Variants in ALK observed in about 807,000 individuals in gnomAD.
ALK encodes ALK receptor tyrosine kinase.
A neutral mutation model predicts 163.1 loss-of-function variants in ALK; 74 were observed. The ratio of observed to expected loss-of-function variants is 0.45; its 90% CI spans 0.38 to 0.55. ALK has a LOEUF of 0.55. Among genes scored for constraint, ALK ranks in the 20% least tolerant of loss-of-function variants. The probability of loss-of-function intolerance (pLI) is 0.00; values close to 1 mark genes in which losing one functional copy is unlikely to be tolerated. For missense variants in ALK, 2,063 were observed against 2,105.3 expected (o/e 0.98, Z 0.39); for synonymous variants, 960 against 843.2 (o/e 1.14, Z -2.40).
At chr2:29,458,848 C>G (rs972735494) in intron 4 of ALK, among the ~76,000 whole-genome samples, 34 of 152,150 alleles carry the variant, frequency 2.2e-4, no homozygotes, top group African/African-American at 7.7e-4. Flanking sequence ...AGTCAGCAAC[C>G]TGCCCTTTTG....
At chr2:29,386,475 A>G (rs2148303836) in intron 4 of ALK, among the ~76,000 whole-genome samples, 1 of 152,346 alleles carries the variant, frequency 6.6e-6, no homozygotes, top group East Asian at 1.9e-4. Flanking sequence ...AAAGAGCCGA[A>G]TTTGTCTTGT....
chr2:29,314,158 C>A (rs970673905), intron 8 of ALK, among the ~76,000 whole-genome samples: 1 of 152,114 alleles, frequency 6.6e-6, no homozygotes, highest in African/African-American at 2.4e-5. Context: ...AATCAGAGAG[C>A]AATTTACAGA....
At chr2:29,781,830 G>A (rs1451742754) in intron 1 of ALK, among the ~76,000 whole-genome samples, 2 of 152,104 alleles carry the variant, frequency 1.3e-5, no homozygotes, top group East Asian at 1.9e-4. Flanking sequence ...CCTGTCCTAC[G>A]ACACAAAATA....
intron 4 of ALK, among the ~76,000 whole-genome samples, chr2:29,391,224 C>T (rs979240590): frequency 6.7e-6 from 1 of 150,272 alleles, no homozygotes; most frequent in African/African-American, 2.5e-5. Context: ...TTCCAAACTG[C>T]ATTTCCTTAA....
intron 1 of ALK, among the ~76,000 whole-genome samples, chr2:29,772,709 A>G (rs761950090): frequency 1.3e-5 from 2 of 152,244 alleles, no homozygotes; most frequent in Non-Finnish European, 2.9e-5. Context: ...GTAGAGGACT[A>G]CTGTTTTTCA....
intron 4 of ALK, among the ~76,000 whole-genome samples, chr2:29,450,689 T>C (rs1010770273): frequency 2.0e-5 from 3 of 151,960 alleles, no homozygotes; most frequent in African/African-American, 7.3e-5. Flanking sequence ...TTCATGGAGG[T>C]GAGAGAAAAA....
chr2:29,221,118 G>A, intron 22 of ALK: 1 of 585,658 alleles, frequency 1.7e-6, no homozygotes, highest in South Asian at 1.5e-5. Context: ...GTGTCTCAGG[G>A]GGCAGGAGAG....
rs565865951 is a variant in ALK at position 29,225,287 on chromosome 2, G to A, written c.3172+174C>T. Among the ~76,000 whole-genome samples, 14 of 152,264 alleles carry A rather than the reference G, an allele frequency of 9.2e-5. No homozygotes were observed. The East Asian group carries it at 1.2e-3, about 13-fold the overall frequency. On this transcript the variant is annotated intron_variant, in intron 19 of 28. Coordinates refer to ENST00000389048, the MANE Select transcript of ALK (RefSeq NM_004304.5). Reference sequence around the variant, plus strand: ...GGGAACTGCAGCTGCTCTGGTGGGGGGAAGGTTGGGAGCTTCCGTTTTGGC... The same window carrying A: ...GGGAACTGCAGCTGCTCTGGTGGGGAGAAGGTTGGGAGCTTCCGTTTTGGC...
chr2:29,630,857 C>T (rs1484474949), intron 3 of ALK, among the ~76,000 whole-genome samples: 4 of 152,166 alleles, frequency 2.6e-5, no homozygotes, highest in Non-Finnish European at 5.9e-5. Flanking sequence ...TTATAAACTC[C>T]AGCATCACAT....
At chr2:29,229,205 C>CT (rs1255517957) in intron 15 of ALK, 139 bp from the exon 16 acceptor site, 3 of 767,002 alleles carry the variant, frequency 3.9e-6, no homozygotes, top group Non-Finnish European at 6.9e-6. Flanking sequence ...TCAGTGGGGC[C>CT]TGGGGGCTTC....
intron 11 of ALK, among the ~76,000 whole-genome samples, chr2:29,266,077 G>T (rs932594546): frequency 6.6e-6 from 1 of 152,190 alleles, no homozygotes; most frequent in Non-Finnish European, 1.5e-5. Context: ...AAGAATTTTC[G>T]TGAACAAGGT....
rs554685485 is a variant in ALK at position 29,309,644 on chromosome 2, A to T, written c.1647+8660T>A. Among the ~76,000 whole-genome samples the T allele has an allele frequency of 2.8e-5, 4 of 141,332 alleles. No individual in the cohort carries two copies. The South Asian group carries it at 9.9e-4, about 35-fold the overall frequency. 92.7% of individuals were successfully genotyped at this position (141,332 alleles called of 152,430 possible). ...AGAATGACTTTGGCTCAGAAAGCTC[A>T]GGAAGGTGTCATTTGTTGGGTCCTC... On this transcript the variant is annotated intron_variant, in intron 8 of 28. Coordinates refer to ENST00000389048, the MANE Select transcript of ALK (RefSeq NM_004304.5).
Position 29,694,915 on chromosome 2 carries a change from T to A in ALK, c.887A>T (p.Glu296Val), listed in dbSNP as rs1678508228. 1 of 1,614,080 alleles carries A rather than the reference T, an allele frequency of 6.2e-7. No individual in the cohort carries two copies. The highest frequency in any genetic ancestry group is 2.2e-5 in the East Asian group (1 of 44,862). ...CAGCAAGTCCATCTGGGAGGCCTCC[T>A]CGGAGGGGATGCGGCGCCAGGACCA... ...QSWSWRRIPS[E>V]EASQMDLLDG... The change falls in exon 3 of 29, where the codon GAG becomes GTG. Residue 296 changes from glutamate to valine, a missense_variant. Glu to Val is a moderately radical substitution (Grantham distance 121, BLOSUM62 -2). Coordinates refer to ENST00000389048, the MANE Select transcript of ALK (RefSeq NM_004304.5).
At chr2:29,198,937 T>C (rs1324859450) in intron 26 of ALK, among the ~76,000 whole-genome samples, 1 of 150,896 alleles carries the variant, frequency 6.6e-6, no homozygotes. Context: ...TATAAAAAAT[T>C]CAAATACTTT....
At chr2:29,375,901 T>C (rs1178294646) in intron 5 of ALK, among the ~76,000 whole-genome samples, 1 of 152,144 alleles carries the variant, frequency 6.6e-6, no homozygotes, top group East Asian at 1.9e-4. Flanking sequence ...CACCTCATCC[T>C]AAAGTTCATC....
chr2:29,830,196 T>C (rs1351735041), intron 1 of ALK, among the ~76,000 whole-genome samples: 1 of 152,234 alleles, frequency 6.6e-6, no homozygotes, highest in Non-Finnish European at 1.5e-5. Context: ...TGTGAACAAA[T>C]ACATGCTTTG....
intron 3 of ALK, among the ~76,000 whole-genome samples, chr2:29,634,580 T>C (rs1451704886): frequency 6.6e-6 from 1 of 152,156 alleles, no homozygotes; most frequent in East Asian, 1.9e-4. Flanking sequence ...CAACACTCAT[T>C]CATGATTAAA....
intron 4 of ALK, among the ~76,000 whole-genome samples, chr2:29,497,843 T>C (rs1393582388): frequency 6.6e-6 from 1 of 152,162 alleles, no homozygotes; most frequent in East Asian, 1.9e-4. Context: ...AGAAAATGAA[T>C]ATAGTCATGA....
chr2:29,661,310 C>G (rs1449839611), intron 3 of ALK, among the ~76,000 whole-genome samples: 2 of 152,110 alleles, frequency 1.3e-5, no homozygotes, highest in Non-Finnish European at 2.9e-5. Context: ...CTTCTCCTCT[C>G]TACCTAGTTA....
Sources: allele counts gnomAD v4.1 joint callset (sites outside exome capture counted in the v4.1 genomes callset), GRCh38; gene constraint gnomAD v4.1.1; transcripts MANE v1.5; gene names NCBI Gene and HGNC (gene_info 2026-07-23, HGNC 2026-07-21).